Variants in CD9 observed in about 807,000 individuals in gnomAD.
CD9 encodes the protein CD9 molecule, also known as CD9 antigen.
A neutral mutation model predicts 31.4 loss-of-function variants in CD9; 10 were observed. The ratio of observed to expected loss-of-function variants is 0.32; its 90% CI spans 0.20 to 0.54. The LOEUF is 0.54. Among genes scored for constraint, CD9 ranks in the 20% least tolerant of loss-of-function variants. The pLI is 0.94. For synonymous variants in CD9, 113 were observed against 114.1 expected (o/e 0.99, Z 0.06); for missense variants, 259 against 300.1 (o/e 0.86, Z 1.01).
intron 1 of CD9, among the ~76,000 whole-genome samples, chr12:6,216,321 C>T (rs1049319688): frequency 6.6e-6 from 1 of 152,234 alleles, no homozygotes; most frequent in Non-Finnish European, 1.5e-5. Context: ...GGGAAACTTG[C>T]ATCCCCAGTA....
At chr12:6,217,252 A>G (rs1278048728) in intron 1 of CD9, among the ~76,000 whole-genome samples, 1 of 152,064 alleles carries the variant, frequency 6.6e-6, no homozygotes, top group Non-Finnish European at 1.5e-5. Flanking sequence ...GCTGGGTGCC[A>G]TGGCTCACAC....
At chr12:6,219,517 GCT>G (rs1434851163) in intron 1 of CD9, among the ~76,000 whole-genome samples, 1 of 151,054 alleles carries the variant, frequency 6.6e-6, no homozygotes, top group Non-Finnish European at 1.5e-5. Context: ...ATGGAGTCTT[GCT>G]CTGTCGCCCA....
intron 1 of CD9, among the ~76,000 whole-genome samples, chr12:6,204,043 A>G (rs776861388): frequency 6.6e-6 from 1 of 152,154 alleles, no homozygotes; most frequent in Non-Finnish European, 1.5e-5. Context: ...GGTGCGAAAC[A>G]CAGAGACCTA....
At chr12:6,228,545 C>A (rs1214524275) in intron 2 of CD9, among the ~76,000 whole-genome samples, 1 of 106,048 alleles carries the variant, frequency 9.4e-6, no homozygotes, top group African/African-American at 3.9e-5. Context: ...GGAGACAGAG[C>A]GGGACTCCAT....
intron 2 of CD9, among the ~76,000 whole-genome samples, chr12:6,230,089 G>A (rs1348263214): frequency 6.6e-6 from 1 of 152,166 alleles, no homozygotes; most frequent in Non-Finnish European, 1.5e-5. Flanking sequence ...AAACCAGCCC[G>A]AGCCCTGCAG....
chr12:6,207,853 A>T (rs1374495932), intron 1 of CD9, among the ~76,000 whole-genome samples: 1 of 152,206 alleles, frequency 6.6e-6, no homozygotes, highest in African/African-American at 2.4e-5. Flanking sequence ...GGGTCTTAAG[A>T]GCCCTTCCTC....
chr12:6,202,136 C>G (rs1591960110), intron 1 of CD9, among the ~76,000 whole-genome samples: 1 of 152,212 alleles, frequency 6.6e-6, no homozygotes, highest in Non-Finnish European at 1.5e-5. Context: ...TTCACTCCTC[C>G]CCAGAGCTGA....
intron 1 of CD9, among the ~76,000 whole-genome samples, chr12:6,221,643 T>C (rs1226282469): frequency 6.6e-6 from 1 of 152,036 alleles, no homozygotes; most frequent in Non-Finnish European, 1.5e-5. Flanking sequence ...TCTCTTTTTT[T>C]CTTGCTCCTG....
intron 1 of CD9, among the ~76,000 whole-genome samples, chr12:6,207,635 C>T (rs1187930635): frequency 6.6e-6 from 1 of 152,234 alleles, no homozygotes; most frequent in Non-Finnish European, 1.5e-5. Context: ...AAAGTCTCGT[C>T]CTCTGAGGAC....
Position 6,232,881 on chromosome 12 carries a change from C to T in CD9, c.273+152C>T, listed in dbSNP as rs1253858349. On this transcript the variant is annotated intron_variant, in intron 3 of 7. Transcript: ENST00000009180. The surrounding 1 kb of genome is among the most constrained non-coding windows in gnomAD (Gnocchi z 4.8). ...GCTGTCCTCAGCCTGGGCCCCTCCC[C>T]GATGTGAGGCGTCGCCCCTCTTCCT... 8 of 706,406 alleles carry T rather than the reference C, an allele frequency of 1.1e-5. No homozygotes were observed. Among genetic ancestry groups the T allele is most frequent in the South Asian group, 5.9e-5 (4 of 67,686 alleles). 43.8% of individuals were successfully genotyped at this position (706,406 alleles called of 1,614,324 possible).
At chr12:6,222,977 G>A (rs1214262270) in intron 1 of CD9, among the ~76,000 whole-genome samples, 1 of 152,236 alleles carries the variant, frequency 6.6e-6, no homozygotes, top group Non-Finnish European at 1.5e-5. Flanking sequence ...TGACTTGGGA[G>A]ATAATTGCTT....
At chr12:6,203,875 G>C (rs1362915083) in intron 1 of CD9, among the ~76,000 whole-genome samples, 1 of 152,144 alleles carries the variant, frequency 6.6e-6, no homozygotes, top group South Asian at 2.1e-4. Context: ...GCAAAAGAGG[G>C]AAAGGTTTGG....
Position 6,236,578 on chromosome 12 carries a change from T to C in CD9, c.621+303T>C, listed in dbSNP as rs115111257. On this transcript the variant is annotated intron_variant, in intron 7 of 7. Transcript: ENST00000009180. ...GCTGGCACTGCTAGTCCTCGGAGCA[T>C]GTCTCCTCACGCACCTGCTGTTCTT... is the stretch of plus-strand genomic sequence containing the variant. The C allele has an allele frequency of 5.7e-3, 2,677 of 469,744 alleles. 67 individuals are homozygous for C. The highest frequency in any genetic ancestry group is 0.046 in the African/African-American group (2,387 of 51,334). The allele number at this position is 469,744 out of a possible 1,614,324, so 29.1% of individuals were successfully genotyped here. A position where few individuals can be genotyped will look rare whatever the true frequency, so the allele number is the denominator to read the frequency against.
chr12:6,202,585 G>A (rs778839402), intron 1 of CD9, among the ~76,000 whole-genome samples: 1 of 152,218 alleles, frequency 6.6e-6, no homozygotes, highest in African/African-American at 2.4e-5. Flanking sequence ...GCATATGCAG[G>A]AAGCTGATGC....
At chr12:6,216,505 G>A (rs1008445465) in intron 1 of CD9, among the ~76,000 whole-genome samples, 1 of 152,152 alleles carries the variant, frequency 6.6e-6, no homozygotes, top group Non-Finnish European at 1.5e-5. Context: ...CTCTCTCTCT[G>A]TTATCTGCTG....
At chr12:6,235,681 A>C in intron 6 of CD9, 116 bp downstream of exon 6, 1 of 1,444,856 alleles carries the variant, frequency 6.9e-7, no homozygotes, top group Non-Finnish European at 9.1e-7. Flanking sequence ...TGCCTGTGAA[A>C]GGGCCCCAGG....
At chr12:6,237,148 T>A (rs1360236137) in intron 7 of CD9, among the ~76,000 whole-genome samples, 1 of 151,988 alleles carries the variant, frequency 6.6e-6, no homozygotes, top group East Asian at 1.9e-4. Context: ...CCCAGCTGAT[T>A]ATTTTTAGTA....
chr12:6,217,536 A>AC (rs2136614943), intron 1 of CD9, among the ~76,000 whole-genome samples: 1 of 152,236 alleles, frequency 6.6e-6, no homozygotes, highest in Non-Finnish European at 1.5e-5. Context: ...TCTCAAAAAA[A>AC]CAAGTATTTT....
intron 1 of CD9, among the ~76,000 whole-genome samples, chr12:6,202,104 T>A (rs752400802): frequency 1.3e-5 from 2 of 152,086 alleles, no homozygotes; most frequent in Non-Finnish European, 2.9e-5. Context: ...CCCACAAGCC[T>A]CCTTAGGGAA....
Sources: gnomAD v4.1 joint callset for allele counts (sites outside exome capture counted in the v4.1 genomes callset) on GRCh38, gnomAD v4.1.1 for gene constraint, Gnocchi (gnomAD v3.1) non-coding constraint, MANE v1.5 for transcripts, NCBI Gene and HGNC (gene_info 2026-07-23, HGNC 2026-07-21) for gene names.